The following WDR70 variants were observed in gnomAD, a reference collection of about 807,000 sequenced individuals.
WDR70 encodes WD repeat-containing protein 70.
A neutral mutation model predicts 88.6 loss-of-function variants in WDR70; 53 were observed. The ratio of observed to expected loss-of-function variants is 0.60; its 90% CI spans 0.48 to 0.75. WDR70 has a LOEUF of 0.75. Ranked by LOEUF, WDR70 falls within the 30% of genes least tolerant of loss-of-function variation. The pLI is 0.00. For synonymous variants in WDR70, 280 were observed against 270.0 expected, an observed-to-expected ratio of 1.04 and a Z score of -0.36; for missense variants, 610 against 823.2, an observed-to-expected ratio of 0.74 and a Z score of 3.17.
chr5:37,636,598 T>C (rs1561932069), intron 10 of WDR70, among the ~76,000 whole-genome samples: 1 of 152,190 alleles, frequency 6.6e-6, no homozygotes, highest in Non-Finnish European at 1.5e-5. Context: ...ATAAGACATA[T>C]TGACATCATA....
intron 13 of WDR70, among the ~76,000 whole-genome samples, chr5:37,711,313 C>T (rs544718451): frequency 6.6e-6 from 1 of 152,258 alleles, no homozygotes; most frequent in Admixed American, 6.5e-5. Context: ...TATTATTTTC[C>T]AGAGCTCATT....
At chr5:37,559,130 C>A (rs1742407426) in intron 9 of WDR70, among the ~76,000 whole-genome samples, 1 of 152,026 alleles carries the variant, frequency 6.6e-6, no homozygotes, top group Admixed American at 6.5e-5. Flanking sequence ...GACAGGGTTT[C>A]ATTGTGTTGG....
In WDR70 at chr5:37,584,749, C is replaced by A. The variant is rs568554097; in HGVS notation, c.918-20315C>A. Among the ~76,000 whole-genome samples, 470 of 151,852 alleles carry A rather than the reference C, an allele frequency of 3.1e-3. 1 individual carries two copies. The highest frequency in any genetic ancestry group is 0.011 in the African/African-American group (441 of 41,396). Reference sequence around the variant, plus strand: ...TGCAGATACCCAAGAAGAAGTTGTTCCAGAAGCCATAGTGAGCCCTGGCAG... The same window carrying A: ...TGCAGATACCCAAGAAGAAGTTGTTACAGAAGCCATAGTGAGCCCTGGCAG... On this transcript the variant is annotated intron_variant, in intron 9 of 17. Coordinates refer to ENST00000265107, the MANE Select transcript of WDR70 (RefSeq NM_018034.4).
At chr5:37,450,865 G>A (rs1217733290) in intron 7 of WDR70, among the ~76,000 whole-genome samples, 2 of 152,060 alleles carry the variant, frequency 1.3e-5, no homozygotes, top group African/African-American at 4.8e-5. Flanking sequence ...CTGTGTCTAT[G>A]TGTGTGTTTG....
At chr5:37,656,320 G>A (rs554555850) in intron 10 of WDR70, among the ~76,000 whole-genome samples, 3 of 152,250 alleles carry the variant, frequency 2.0e-5, no homozygotes, top group East Asian at 3.9e-4. Flanking sequence ...TGGAAGCTTC[G>A]TCCTGGGGAG....
chr5:37,676,687 A>C (rs1746230099), intron 10 of WDR70, among the ~76,000 whole-genome samples: 1 of 152,008 alleles, frequency 6.6e-6, no homozygotes, highest in African/African-American at 2.4e-5. Flanking sequence ...ATATTGGTCT[A>C]AAATTCTCTT....
intron 8 of WDR70, among the ~76,000 whole-genome samples, chr5:37,482,811 T>G (rs2112164667): frequency 6.6e-6 from 1 of 152,182 alleles, no homozygotes; most frequent in East Asian, 1.9e-4. Flanking sequence ...AGAAATTATG[T>G]GGGATGGGAG....
chr5:37,665,005 T>C (rs2112582303), intron 10 of WDR70, among the ~76,000 whole-genome samples: 1 of 152,358 alleles, frequency 6.6e-6, no homozygotes, highest in Non-Finnish European at 1.5e-5. Context: ...TCTGTACGAA[T>C]ATGTAGGTCT....
intron 13 of WDR70, among the ~76,000 whole-genome samples, chr5:37,717,954 T>G (rs1289458809): frequency 1.3e-5 from 2 of 152,224 alleles, no homozygotes; most frequent in Non-Finnish European, 2.9e-5. Context: ...ATAACTGGTC[T>G]TAGGGTAATT....
At chr5:37,464,903 C>T (rs1192190200) in intron 7 of WDR70, among the ~76,000 whole-genome samples, 2 of 152,118 alleles carry the variant, frequency 1.3e-5, no homozygotes, top group Admixed American at 6.5e-5. Flanking sequence ...CTTACAATGT[C>T]GATCTAACAT....
chr5:37,395,411 A>C (rs1748979753), intron 4 of WDR70, among the ~76,000 whole-genome samples: 1 of 152,202 alleles, frequency 6.6e-6, no homozygotes, highest in African/African-American at 2.4e-5. Context: ...TCTAGTGATA[A>C]GTAGAAAAGA....
chr5:37,721,045 A>G (rs1164060467), intron 13 of WDR70, 70 bp from the exon 14 acceptor site: 2 of 1,339,056 alleles, frequency 1.5e-6, no homozygotes, highest in African/African-American at 2.9e-5. Flanking sequence ...ACTAGCCATC[A>G]AAGTACCAGC....
At chr5:37,518,522 A>G (rs1328011305) in intron 9 of WDR70, among the ~76,000 whole-genome samples, 2 of 152,064 alleles carry the variant, frequency 1.3e-5, no homozygotes, top group Non-Finnish European at 2.9e-5. Context: ...TGTTGTTATA[A>G]GTTACTGGAT....
At chr5:37,651,306 G>A (rs1745404361) in intron 10 of WDR70, among the ~76,000 whole-genome samples, 1 of 152,076 alleles carries the variant, frequency 6.6e-6, no homozygotes, top group Non-Finnish European at 1.5e-5. Flanking sequence ...CCTTTTTTAT[G>A]GCTGCATAGT....
chr5:37,521,472 C>A (rs1741083815), intron 9 of WDR70, among the ~76,000 whole-genome samples: 1 of 152,118 alleles, frequency 6.6e-6, no homozygotes, highest in South Asian at 2.1e-4. Context: ...AATGGGTAGT[C>A]TTTTATCTCT....
At chr5:37,561,928 G>A (rs775705256) in intron 9 of WDR70, among the ~76,000 whole-genome samples, 1 of 152,196 alleles carries the variant, frequency 6.6e-6, no homozygotes, top group Non-Finnish European at 1.5e-5. Context: ...GAAGGAAATA[G>A]TGGCAAGGAA....
chr5:37,510,219 G>A (rs1740683562), intron 8 of WDR70, among the ~76,000 whole-genome samples: 2 of 151,700 alleles, frequency 1.3e-5, no homozygotes, highest in South Asian at 4.2e-4. Context: ...TTGTCTCATT[G>A]CTTTATTTTC....
At chr5:37,721,744 G>A (rs1360025733) in intron 14 of WDR70, 1 of 152,528 alleles carries the variant, frequency 6.6e-6, no homozygotes, top group Non-Finnish European at 1.5e-5. Context: ...TATTTCAAAA[G>A]TCTGAAAACG....
chr5:37,393,752 C>T (rs895400059), intron 4 of WDR70, among the ~76,000 whole-genome samples: 3 of 152,080 alleles, frequency 2.0e-5, no homozygotes, highest in Admixed American at 6.6e-5. Context: ...ACATTCTTAA[C>T]TCACTGCAAC....
Sources: allele counts gnomAD v4.1 joint callset (sites outside exome capture counted in the v4.1 genomes callset), GRCh38; gene constraint gnomAD v4.1.1; transcripts MANE v1.5; gene names NCBI Gene and HGNC (gene_info 2026-07-23, HGNC 2026-07-21).